The following KCNIP1 variants were observed in gnomAD, a reference collection of about 807,000 sequenced individuals.
The protein encoded by KCNIP1 is A-type potassium channel modulatory protein KCNIP1.
A neutral mutation model predicts 33.0 loss-of-function variants in KCNIP1; 18 were observed. The ratio of observed to expected loss-of-function variants is 0.55; its 90% CI spans 0.38 to 0.81. KCNIP1 has a LOEUF of 0.81. Among genes scored for constraint, KCNIP1 ranks in the 30% least tolerant of loss-of-function variants. KCNIP1 has a pLI of 0.00. For missense variants in KCNIP1, 238 were observed against 271.6 expected (o/e 0.88, Z 0.87); for synonymous variants, 93 against 98.3 (o/e 0.95, Z 0.32).
rs979143943 is a variant in KCNIP1, at chr5:170,454,777, A to G, written c.88+100813A>G. On this transcript the variant is annotated intron_variant, in intron 1 of 7. Coordinates refer to the KCNIP1 transcript ENST00000377360. Reference sequence around the variant, plus strand: ...CTGTGTGACAGACTTCTGTGTAAACATAAAGAACTAGTTATTTTTACAGAT... The same window carrying G: ...CTGTGTGACAGACTTCTGTGTAAACGTAAAGAACTAGTTATTTTTACAGAT... Among the ~76,000 whole-genome samples, 9 of 152,346 alleles carry G rather than the reference A, an allele frequency of 5.9e-5. No individual in the cohort carries two copies. The East Asian group carries it at 1.7e-3, about 29-fold the overall frequency.
intron 1 of KCNIP1, among the ~76,000 whole-genome samples, chr5:170,510,211 G>A (rs1203904712): frequency 1.3e-5 from 2 of 152,178 alleles, no homozygotes; most frequent in Non-Finnish European, 2.9e-5. Flanking sequence ...CATAGCTGCT[G>A]CTGCTTCCCT....
chr5:170,450,429 C>A (rs1451755092), intron 1 of KCNIP1, among the ~76,000 whole-genome samples: 1 of 152,208 alleles, frequency 6.6e-6, no homozygotes, highest in Non-Finnish European at 1.5e-5. Flanking sequence ...TGTCTGTCTT[C>A]CTTTCTCACA....
At chr5:170,726,271 A>G (rs986448519) in intron 5 of KCNIP1, among the ~76,000 whole-genome samples, 10 of 152,212 alleles carry the variant, frequency 6.6e-5, no homozygotes, top group African/African-American at 2.4e-4. Flanking sequence ...TATAAGGGAC[A>G]TTTATAATTT....
At chr5:170,539,372 C>T (rs1756112504) in intron 1 of KCNIP1, among the ~76,000 whole-genome samples, 1 of 152,226 alleles carries the variant, frequency 6.6e-6, no homozygotes, top group South Asian at 2.1e-4. Flanking sequence ...TGCTCTGACC[C>T]TGCTGACCTC....
At chr5:170,462,885 C>T (rs1756535844) in intron 1 of KCNIP1, among the ~76,000 whole-genome samples, 1 of 152,144 alleles carries the variant, frequency 6.6e-6, no homozygotes, top group Non-Finnish European at 1.5e-5. Flanking sequence ...AATCAATCAT[C>T]ATATGTTCTC....
chr5:170,381,795 T>C (rs74661644), intron 1 of KCNIP1, among the ~76,000 whole-genome samples: 3,589 of 152,338 alleles, frequency 0.024, 76 homozygotes, highest in African/African-American at 0.057. Context: ...CGGAGAATGT[T>C]ACCAGTTATT....
At chr5:170,715,761 A>C (rs1763624506) in intron 1 of KCNIP1, among the ~76,000 whole-genome samples, 1 of 152,218 alleles carries the variant, frequency 6.6e-6, no homozygotes, top group African/African-American at 2.4e-5. Context: ...TTACATCTCA[A>C]GTTAATTTTT....
intron 1 of KCNIP1, among the ~76,000 whole-genome samples, chr5:170,472,738 G>C (rs1756764945): frequency 6.6e-6 from 1 of 152,062 alleles, no homozygotes; most frequent in South Asian, 2.1e-4. Context: ...TCTCATCCAG[G>C]TCACTACAAA....
intron 1 of KCNIP1, among the ~76,000 whole-genome samples, chr5:170,692,134 A>T (rs1762743602): frequency 6.6e-6 from 1 of 152,178 alleles, no homozygotes; most frequent in South Asian, 2.1e-4. Context: ...CAACACATTC[A>T]TTGGCCAGAT....
At chr5:170,647,159 G>T (rs1033833040) in intron 1 of KCNIP1, among the ~76,000 whole-genome samples, 1 of 152,112 alleles carries the variant, frequency 6.6e-6, no homozygotes. Flanking sequence ...GGAAACCTTG[G>T]TATTGTCAGG....
chr5:170,372,664 A>G (rs1763876474), intron 1 of KCNIP1, among the ~76,000 whole-genome samples: 1 of 152,180 alleles, frequency 6.6e-6, no homozygotes, highest in Admixed American at 6.6e-5. Flanking sequence ...GAGTTCAAGC[A>G]CCAAATATAA....
chr5:170,379,074 C>T (rs1183688934), intron 1 of KCNIP1: 3 of 1,417,908 alleles, frequency 2.1e-6, no homozygotes, highest in African/African-American at 2.9e-5. Flanking sequence ...GTAGTCGGGC[C>T]CCTGGATTGG....
At chr5:170,713,820 G>C (rs576533918) in intron 1 of KCNIP1, among the ~76,000 whole-genome samples, 1 of 152,100 alleles carries the variant, frequency 6.6e-6, no homozygotes, top group Non-Finnish European at 1.5e-5. Flanking sequence ...TCAGAAACTT[G>C]AGACCAGCCT....
chr5:170,543,044 G>A (rs1756271233), intron 1 of KCNIP1, among the ~76,000 whole-genome samples: 1 of 152,162 alleles, frequency 6.6e-6, no homozygotes. Flanking sequence ...CATAGAAGAA[G>A]GGACAAAGAA....
In KCNIP1 at chr5:170,386,602, G is replaced by A. The variant is rs192393642; in HGVS notation, c.88+32638G>A. 1.1e-4 allele frequency among the ~76,000 whole-genome samples: 16 copies of A among 152,140 alleles called. No individual in the cohort carries two copies. The East Asian group carries it at 2.5e-3, about 24-fold the overall frequency. On this transcript the variant is annotated intron_variant, in intron 1 of 7. Transcript: ENST00000377360. ...GTTCTGTGGCAGGGCTAGCTGGGCC[G>A]GGCACAGGCAGGGAAAGGAGAGGAG... is the stretch of plus-strand genomic sequence containing the variant.
At chr5:170,544,107 T>A (rs1349870449) in intron 1 of KCNIP1, among the ~76,000 whole-genome samples, 5 of 152,130 alleles carry the variant, frequency 3.3e-5, no homozygotes, top group Non-Finnish European at 7.3e-5. Context: ...CACTTAGTTG[T>A]CAAATTCAAG....
rs920123417 is a variant in KCNIP1 at position 170,386,731 on chromosome 5, A to T, written c.88+32767A>T. On this transcript the variant is annotated intron_variant, in intron 1 of 7. Transcript: ENST00000377360. ...ACATTCCCCTACTTCAAGCAAAGAA[A>T]GAAGAAAGAAGGCATCATGGTGGCC... Among the ~76,000 whole-genome samples the T allele has an allele frequency of 2.6e-5, 4 of 152,078 alleles. No homozygotes were observed. In the East Asian group the frequency reaches 7.7e-4, roughly 29 times the overall value.
intron 1 of KCNIP1, among the ~76,000 whole-genome samples, chr5:170,585,354 C>T (rs1413909400): frequency 1.3e-5 from 2 of 151,966 alleles, no homozygotes; most frequent in East Asian, 1.9e-4. Context: ...GGGGATGAGC[C>T]GGGACTTGAA....
intron 1 of KCNIP1, among the ~76,000 whole-genome samples, chr5:170,650,647 G>A (rs145878851): frequency 2.0e-5 from 3 of 152,106 alleles, no homozygotes; most frequent in South Asian, 2.1e-4. Flanking sequence ...AAATCTTTAC[G>A]TGGAAATGCT....
Sources: gnomAD v4.1 joint callset for allele counts (sites outside exome capture counted in the v4.1 genomes callset) on GRCh38, gnomAD v4.1.1 for gene constraint, MANE v1.5 for transcripts, NCBI Gene and HGNC (gene_info 2026-07-23, HGNC 2026-07-21) for gene names.